NEK10: variants seen among roughly 807,000 people sequenced by gnomAD.
The protein encoded by NEK10 is serine/threonine-protein kinase Nek10.
Under a neutral mutation model 159.8 loss-of-function variants are expected in NEK10, and 122 were observed. That is an observed-to-expected ratio of 0.76 (90% confidence interval 0.66 to 0.89). The LOEUF (loss-of-function observed/expected upper bound fraction) is 0.89, where lower values mean the gene tolerates loss of function less well. Ranked by LOEUF, NEK10 falls within the 40% of genes least tolerant of loss-of-function variation. NEK10 has a pLI of 0.00. For missense variants in NEK10, 1,342 were observed against 1,323.1 expected (o/e 1.01, Z -0.22); for synonymous variants, 466 against 457.1 (o/e 1.02, Z -0.25).
At chr3:27,128,635 A>AT (rs34991281) in intron 32 of NEK10, among the ~76,000 whole-genome samples, 191 of 149,294 alleles carry the variant, frequency 1.3e-3, no homozygotes, top group Middle Eastern at 3.5e-3. Flanking sequence ...CCAATGAGGG[A>AT]TTTTTTTTTT....
At chr3:27,300,199 G>T (rs1376935639) in intron 13 of NEK10, among the ~76,000 whole-genome samples, 2 of 152,124 alleles carry the variant, frequency 1.3e-5, no homozygotes, top group Admixed American at 6.5e-5. Flanking sequence ...TGAATTATGG[G>T]GGTGGGTCTT....
chr3:27,219,231 A>G (rs572143754), intron 23 of NEK10, among the ~76,000 whole-genome samples: 8 of 152,218 alleles, frequency 5.3e-5, no homozygotes, highest in Non-Finnish European at 1.2e-4. Flanking sequence ...GGGAGTTTCC[A>G]TGGGAGGGTG....
At position 27,143,413 on chromosome 3, in the gene NEK10, T is replaced by C. The variant is rs369907292; in HGVS notation, c.2870-1831A>G. The stretch of plus-strand genomic sequence containing the variant: ...GAGTTCTTAGATCTGTGATGACATT[T>C]TGAATGGGATATCACATAGGTTTGA... On this transcript the variant is annotated intron_variant, in intron 30 of 35. Transcript: ENST00000691995. 2.9e-4 allele frequency: 213 copies of C among 738,144 alleles called. No homozygotes were observed. In the African/African-American group the frequency reaches 3.3e-3, roughly 11 times the overall value. 45.7% of individuals were successfully genotyped at this position (738,144 alleles called of 1,614,324 possible).
chr3:27,242,432 C>G (rs1427814700), intron 23 of NEK10, among the ~76,000 whole-genome samples: 1 of 152,150 alleles, frequency 6.6e-6, no homozygotes, highest in Non-Finnish European at 1.5e-5. Context: ...TCATTACTGC[C>G]CTCTGCCCCC....
intron 23 of NEK10, among the ~76,000 whole-genome samples, chr3:27,227,275 A>G (rs1026113478): frequency 1.3e-5 from 2 of 152,196 alleles, no homozygotes; most frequent in Non-Finnish European, 2.9e-5. Context: ...GGCCTTCACC[A>G]GGACCATGGA....
chr3:27,144,198 T>C (rs1047168139), intron 30 of NEK10, among the ~76,000 whole-genome samples: 138 of 152,178 alleles, frequency 9.1e-4, no homozygotes, highest in Non-Finnish European at 1.6e-4. Context: ...TACAATTTAT[T>C]TTTTTCACTT....
intron 31 of NEK10, 96 bp downstream of exon 31, chr3:27,141,386 G>A: frequency 1.1e-6 from 1 of 875,620 alleles, no homozygotes; most frequent in South Asian, 1.8e-5. Context: ...ATAAGAACAA[G>A]AATTCAATCT....
chr3:27,191,245 C>T (rs772601056), intron 26 of NEK10, among the ~76,000 whole-genome samples: 1 of 151,836 alleles, frequency 6.6e-6, no homozygotes, highest in Admixed American at 6.6e-5. Flanking sequence ...TGACCAGGTA[C>T]CCTAAGAAAG....
chr3:27,285,061 G>T (rs1403823550), intron 20 of NEK10, 100 bp from the exon 21 acceptor site: 1 of 851,170 alleles, frequency 1.2e-6, no homozygotes, highest in Non-Finnish European at 1.8e-6. Context: ...GTCTGTGCGG[G>T]ACACTAACAC....
At chr3:27,140,450 G>T (rs1435370868) in intron 31 of NEK10, among the ~76,000 whole-genome samples, 1 of 152,142 alleles carries the variant, frequency 6.6e-6, no homozygotes, top group African/African-American at 2.4e-5. Context: ...GAAATACACA[G>T]GCTTTCAGCA....
chr3:27,122,161 G>A (rs561776796), intron 32 of NEK10, among the ~76,000 whole-genome samples: 8 of 152,110 alleles, frequency 5.3e-5, no homozygotes, highest in Non-Finnish European at 1.2e-4. Context: ...CCATGCTGTT[G>A]TCATGATAGT....
At chr3:27,121,581 C>T (rs1379766453) in intron 32 of NEK10, among the ~76,000 whole-genome samples, 1 of 152,164 alleles carries the variant, frequency 6.6e-6, no homozygotes, top group Non-Finnish European at 1.5e-5. Context: ...TTGCCTGCTG[C>T]CACCCGTGTA....
At chr3:27,245,897 T>C (rs1453422951) in intron 23 of NEK10, among the ~76,000 whole-genome samples, 1 of 152,074 alleles carries the variant, frequency 6.6e-6, no homozygotes, top group Non-Finnish European at 1.5e-5. Flanking sequence ...CAATAGGAAA[T>C]GGGAAATACT....
At position 27,311,031 on chromosome 3, in the gene NEK10, A is replaced by G. The variant is rs1330941813; in HGVS notation, c.569-15T>C. 1 of 1,542,348 alleles carries G rather than the reference A, an allele frequency of 6.5e-7. No homozygotes were observed. On this transcript the variant is annotated splice_polypyrimidine_tract_variant and intron_variant, in intron 8 of 35. Coordinates refer to ENST00000691995, the MANE Select transcript of NEK10 (RefSeq NM_001394966.1). ...TTGAAAAATATCTATAAAGGAAAGA[A>G]AGAGCGCAAAGAGGCATCCAGAGAT...
At chr3:27,304,103 T>C (rs550612130) in intron 12 of NEK10, among the ~76,000 whole-genome samples, 1 of 152,310 alleles carries the variant, frequency 6.6e-6, no homozygotes, top group Admixed American at 6.5e-5. Flanking sequence ...AAACTATCCA[T>C]TCTCCGTGCT....
Position 27,237,545 on chromosome 3 carries a change from G to T in NEK10, c.2090+18751C>A, listed in dbSNP as rs185526143. ...GCTCCAGCCGGTCCCTCCGTTCGGG[G>T]TCCCTGACTTCCCACAACATCATAT... On this transcript the variant is annotated intron_variant, in intron 23 of 35. Coordinates refer to ENST00000691995, the MANE Select transcript of NEK10 (RefSeq NM_001394966.1). 3.7e-3 allele frequency among the ~76,000 whole-genome samples: 561 copies of T among 152,200 alleles called. 3 individuals carry two copies. The highest frequency in any genetic ancestry group is 0.017 in the Middle Eastern group (5 of 294).
chr3:27,319,613 G>T (rs999654591), intron 6 of NEK10, among the ~76,000 whole-genome samples: 5 of 152,214 alleles, frequency 3.3e-5, no homozygotes, highest in African/African-American at 1.2e-4. Context: ...ATGAAAGTAG[G>T]AGGAGGACTT....
intron 3 of NEK10, among the ~76,000 whole-genome samples, chr3:27,349,292 G>T (rs545138113): frequency 1.3e-5 from 2 of 152,006 alleles, no homozygotes; most frequent in African/African-American, 4.8e-5. Context: ...TCAGATATTT[G>T]ATTATTTTAC....
intron 26 of NEK10, among the ~76,000 whole-genome samples, chr3:27,182,957 C>T (rs960158008): frequency 2.0e-5 from 3 of 151,668 alleles, no homozygotes; most frequent in African/African-American, 7.3e-5. Context: ...AAAAAAGGAA[C>T]GGTTGGGTAC....
Sources: gnomAD v4.1 joint callset for allele counts (sites outside exome capture counted in the v4.1 genomes callset) on GRCh38, gnomAD v4.1.1 for gene constraint, MANE v1.5 for transcripts, NCBI Gene and HGNC (gene_info 2026-07-23, HGNC 2026-07-21) for gene names.